The following SORCS3 variants were observed in gnomAD, a reference collection of about 807,000 sequenced individuals.
The protein encoded by SORCS3 is sortilin related VPS10 domain containing receptor 3.
A neutral mutation model predicts 146.3 loss-of-function variants in SORCS3; 57 were observed. The ratio of observed to expected loss-of-function variants is 0.39; its 90% confidence interval spans 0.31 to 0.49. SORCS3 has a LOEUF of 0.49. Among genes scored for constraint, SORCS3 ranks in the 20% least tolerant of loss-of-function variants. The probability of loss-of-function intolerance (pLI) is 0.92; values close to 1 mark genes in which losing one functional copy is unlikely to be tolerated. For missense variants in SORCS3, 1,341 were observed against 1,575.5 expected (o/e 0.85, Z 2.52); for synonymous variants, 653 against 618.5 (o/e 1.06, Z -0.83).
intron 1 of SORCS3, among the ~76,000 whole-genome samples, chr10:104,649,331 A>C (rs748276152): frequency 6.6e-6 from 1 of 152,168 alleles, no homozygotes; most frequent in Non-Finnish European, 1.5e-5. Context: ...GAAAAAAGGG[A>C]GTGATGATAT....
At chr10:105,158,403 CA>C (rs1278944451) in intron 10 of SORCS3, among the ~76,000 whole-genome samples, 1 of 152,038 alleles carries the variant, frequency 6.6e-6, no homozygotes, top group Non-Finnish European at 1.5e-5. Flanking sequence ...TAAGTAAGAA[CA>C]AAATATATAA....
intron 13 of SORCS3, among the ~76,000 whole-genome samples, chr10:105,175,968 TAGAG>T (rs141082308): frequency 0.079 from 11,967 of 152,112 alleles, 643 homozygotes; most frequent in Admixed American, 0.15. Flanking sequence ...TAGAATAAAA[TAGAG>T]AGAGACAGAG....
At chr10:104,853,483 C>A (rs2018296113) in intron 2 of SORCS3, among the ~76,000 whole-genome samples, 1 of 152,176 alleles carries the variant, frequency 6.6e-6, no homozygotes, top group Admixed American at 6.5e-5. Context: ...AGCAAAAAAA[C>A]CCCAGTAGTG....
chr10:104,855,673 A>G (rs2018322471), intron 2 of SORCS3, among the ~76,000 whole-genome samples: 1 of 151,818 alleles, frequency 6.6e-6, no homozygotes, highest in African/African-American at 2.4e-5. Context: ...TGTTGACATT[A>G]TTTCCCCAAG....
intron 2 of SORCS3, among the ~76,000 whole-genome samples, chr10:104,844,411 A>G (rs555612554): frequency 1.3e-5 from 2 of 152,252 alleles, no homozygotes; most frequent in East Asian, 3.9e-4. Flanking sequence ...GTTGCAGAAA[A>G]GGTTTGGCTA....
chr10:104,715,935 A>G (rs1353425971), intron 1 of SORCS3, among the ~76,000 whole-genome samples: 7 of 152,144 alleles, frequency 4.6e-5, no homozygotes, highest in African/African-American at 1.2e-4. Context: ...AAGTAGAGCC[A>G]AAGTTCTTAC....
chr10:104,805,020 T>C (rs2017665404), intron 1 of SORCS3, among the ~76,000 whole-genome samples: 1 of 152,168 alleles, frequency 6.6e-6, no homozygotes, highest in African/African-American at 2.4e-5. Flanking sequence ...CTTAGTTGAT[T>C]CTCAGATATT....
intron 16 of SORCS3, among the ~76,000 whole-genome samples, chr10:105,205,106 A>C (rs2119625720): frequency 6.6e-6 from 1 of 152,250 alleles, no homozygotes; most frequent in East Asian, 1.9e-4. Flanking sequence ...GGGCAAGTTC[A>C]TTTGATTGAT....
intron 4 of SORCS3, among the ~76,000 whole-genome samples, chr10:105,034,477 C>A (rs1277500817): frequency 6.6e-6 from 1 of 152,082 alleles, no homozygotes; most frequent in Admixed American, 6.6e-5. Context: ...ATCCATTTGA[C>A]AGAGGGTAAA....
At chr10:104,832,212 TA>T (rs1362725627) in intron 1 of SORCS3, among the ~76,000 whole-genome samples, 1 of 152,176 alleles carries the variant, frequency 6.6e-6, no homozygotes, top group African/African-American at 2.4e-5. Flanking sequence ...TTGAAGACAA[TA>T]GGGGCACTTG....
At chr10:105,198,491 G>A (rs2056556374) in intron 14 of SORCS3, among the ~76,000 whole-genome samples, 1 of 152,186 alleles carries the variant, frequency 6.6e-6, no homozygotes, top group Admixed American at 6.5e-5. Flanking sequence ...GAGCTGTTTT[G>A]TTAAAGATTT....
intron 4 of SORCS3, among the ~76,000 whole-genome samples, chr10:105,021,948 A>C (rs577680190): frequency 1.3e-5 from 2 of 152,356 alleles, no homozygotes; most frequent in African/African-American, 4.8e-5. Flanking sequence ...AGTCAATCTG[A>C]AACTGCTACA....
chr10:105,138,024 A>C (rs917861273), intron 7 of SORCS3, among the ~76,000 whole-genome samples: 13 of 152,200 alleles, frequency 8.5e-5, no homozygotes, highest in African/African-American at 3.1e-4. Context: ...CCCACCTCTA[A>C]GCCAACACAC....
At chr10:104,982,936 G>A (rs993280686) in intron 4 of SORCS3, among the ~76,000 whole-genome samples, 6 of 152,140 alleles carry the variant, frequency 3.9e-5, no homozygotes, top group African/African-American at 9.6e-5. Flanking sequence ...ACATTCATTC[G>A]AATGAACAAC....
intron 7 of SORCS3, among the ~76,000 whole-genome samples, chr10:105,107,035 C>T (rs1026176278): frequency 1.3e-5 from 2 of 152,126 alleles, no homozygotes; most frequent in African/African-American, 4.8e-5. Context: ...GAGCTGTGAC[C>T]TCATGTACTG....
chr10:104,843,505 C>A (rs2018167739), intron 2 of SORCS3, among the ~76,000 whole-genome samples: 1 of 152,194 alleles, frequency 6.6e-6, no homozygotes, highest in Non-Finnish European at 1.5e-5. Flanking sequence ...AAATAAAACA[C>A]TTTTGGGGCC....
chr10:104,702,558 A>G (rs2016292075), intron 1 of SORCS3, among the ~76,000 whole-genome samples: 1 of 152,124 alleles, frequency 6.6e-6, no homozygotes, highest in African/African-American at 2.4e-5. Context: ...AAAGTGCTGG[A>G]ATTACAGGCG....
At chr10:105,138,306 G>A (rs1413153076) in intron 7 of SORCS3, among the ~76,000 whole-genome samples, 1 of 152,002 alleles carries the variant, frequency 6.6e-6, no homozygotes, top group African/African-American at 2.4e-5. Context: ...GGTAGCCGTG[G>A]GAGATGTCAT....
chr10:105,078,484 T>C (rs1473779689), intron 5 of SORCS3, among the ~76,000 whole-genome samples: 1 of 151,992 alleles, frequency 6.6e-6, no homozygotes, highest in Non-Finnish European at 1.5e-5. Context: ...GTTACACAAC[T>C]GGAAATTTCA....
Sources: allele counts gnomAD v4.1 joint callset (sites outside exome capture counted in the v4.1 genomes callset), GRCh38; gene constraint gnomAD v4.1.1; transcripts MANE v1.5; gene names NCBI Gene and HGNC (gene_info 2026-07-23, HGNC 2026-07-21).